The following DPM2 variants were observed in gnomAD, a reference collection of about 807,000 sequenced individuals.
DPM2 encodes dolichol phosphate-mannose biosynthesis regulatory protein.
DPM2 carries 8 observed loss-of-function variants against 12.1 expected under a neutral mutation model. The ratio of observed to expected loss-of-function variants is 0.66; its 90% confidence interval spans 0.39 to 1.19. The LOEUF is 1.19. Among genes scored for constraint, DPM2 ranks in the 50% most tolerant of loss-of-function variants. The pLI, the probability that DPM2 is intolerant of heterozygous loss-of-function variation, is 0.01. For missense variants in DPM2, 93 were observed against 102.5 expected (o/e 0.91, Z 0.40); for synonymous variants, 38 against 44.7 (o/e 0.85, Z 0.60).
In DPM2 at chr9:127,937,454, T is replaced by G; in HGVS notation, c.73A>C (p.Thr25Pro). ...CATACCAAGAGAATCACCCAGGCGG[T>G]GTAGTAGGTGAAGATGATCAGGCTA... Reference protein sequence around the residue: ...AVSLIIFTYYTAWVILLPFID... With the variant: ...AVSLIIFTYYPAWVILLPFID... Residue 25 changes from threonine to proline, a missense_variant, in exon 2 of 4, where the codon ACC (threonine) becomes CCC (proline). Physicochemically the swap from Thr to Pro is conservative, Grantham distance 38 (BLOSUM62 -1). Transcript: ENST00000314392. The G allele has an allele frequency of 6.2e-7, 1 of 1,612,382 alleles. No individual in the cohort carries two copies. The highest frequency in any genetic ancestry group is 8.5e-7 in the Non-Finnish European group (1 of 1,179,202).
At position 127,935,449 on chromosome 9, in the gene DPM2, G is replaced by A; in HGVS notation, c.*273C>T. 1 of 535,986 alleles carries A rather than the reference G, an allele frequency of 1.9e-6. No homozygotes were observed. The highest frequency in any genetic ancestry group is 2.2e-5 in the South Asian group (1 of 45,304). 33.2% of individuals were successfully genotyped at this position (535,986 alleles called of 1,614,324 possible). ...GGGGAAAAGGTGGCAGGGAGTCTGA[G>A]AGTGAGGTTGGGAGGACCAGCATCT... On this transcript the variant is annotated 3_prime_UTR_variant, in exon 4 of 4. Coordinates refer to ENST00000314392, the MANE Select transcript of DPM2 (RefSeq NM_003863.4).
chr9:127,935,784 G>A lies in DPM2; in HGVS notation c.197-4C>T. 6.2e-7 allele frequency: 1 copy of A among 1,613,234 alleles called. No homozygotes were observed. Among genetic ancestry groups the A allele is most frequent in the Non-Finnish European group, 8.5e-7 (1 of 1,179,286 alleles). ...ATCACATAGGAGATGAACAGTCCTG[G>A]GATACACAGACCAGAAAGGCCACAT... On this transcript the variant is annotated splice_polypyrimidine_tract_variant and splice_region_variant and intron_variant, in intron 3 of 3. Coordinates refer to ENST00000314392, the MANE Select transcript of DPM2 (RefSeq NM_003863.4).
At chr9:127,936,897 G>A (rs1222579135) in intron 2 of DPM2, 4 of 411,196 alleles carry the variant, frequency 9.7e-6, no homozygotes, top group East Asian at 3.7e-5. Context: ...AAGAGAACAG[G>A]GCACAAGAGA....
chr9:127,937,812 T>G lies in DPM2; in HGVS notation c.3+6A>C. 1.9e-6 allele frequency: 3 copies of G among 1,607,862 alleles called. No homozygotes were observed. The highest frequency in any genetic ancestry group is 2.5e-6 in the Non-Finnish European group (3 of 1,176,868). On this transcript the variant is annotated splice_donor_region_variant and intron_variant, in intron 1 of 3. Transcript: ENST00000314392. ...CCCTATCTCCGGCACACGGTGCCAA[T>G]CTCACCATTTCCCCGCGCGCTCAGC... is the stretch of plus-strand genomic sequence containing the variant.
intron 2 of DPM2, 178 bp from the exon 3 acceptor site, chr9:127,936,833 T>C (rs917905443): frequency 1.7e-5 from 9 of 544,784 alleles, no homozygotes; most frequent in South Asian, 5.3e-5. Flanking sequence ...TAATTTCTTA[T>C]TGGTATTTAC....
intron 2 of DPM2, 66 bp downstream of exon 2, chr9:127,937,364 CTATA>C: frequency 5.8e-6 from 7 of 1,217,064 alleles, no homozygotes; most frequent in Non-Finnish European, 8.4e-6. Flanking sequence ...TGCCTAGAGC[CTATA>C]TAGTAGTTGC....
chr9:127,936,759 C>T (rs2131648500), intron 2 of DPM2, 104 bp from the exon 3 acceptor site: 1 of 992,388 alleles, frequency 1.0e-6, no homozygotes. Flanking sequence ...ATTCAGAGGA[C>T]TGGGACTGCA....
At position 127,935,267 on chromosome 9, in the gene DPM2, C is replaced by T; in HGVS notation, c.*455G>A. On this transcript the variant is annotated 3_prime_UTR_variant, in exon 4 of 4. Coordinates refer to ENST00000314392, the MANE Select transcript of DPM2 (RefSeq NM_003863.4). ...AGTCCTTCCCCAGGCTTTCCAGGTC[C>T]AGAAGGCTTTGTGGGGTCTGGGGCT... is the stretch of plus-strand genomic sequence containing the variant. 1 of 218,432 alleles carries T rather than the reference C, an allele frequency of 4.6e-6. No homozygotes were observed. The highest frequency in any genetic ancestry group is 9.3e-6 in the Non-Finnish European group (1 of 108,052). The allele number at this position is 218,432 out of a possible 1,614,324, so 13.5% of individuals were successfully genotyped here.
chr9:127,937,412 G>A, intron 2 of DPM2, 22 bp downstream of exon 2: 10 of 1,598,098 alleles, frequency 6.3e-6, no homozygotes, highest in Non-Finnish European at 8.6e-6. Context: ...AAGGTGAGCA[G>A]CGGACGGGGA....
intron 3 of DPM2, 115 bp downstream of exon 3, chr9:127,936,438 C>T (rs1396536295): frequency 6.2e-7 from 1 of 1,607,450 alleles, no homozygotes; most frequent in Non-Finnish European, 8.5e-7. Context: ...AGGAAAACCC[C>T]ACGGGTGAGT....
chr9:127,937,468 A>C lies in DPM2; in HGVS notation c.59T>G (p.Ile20Ser). ...CACCCAGGCGGTGTAGTAGGTGAAG[A>C]TGATCAGGCTAACGGCGACGAGGCC... ...GLGLVAVSLIIFTYYTAWVIL... is the reference protein window; with the variant it reads ...GLGLVAVSLISFTYYTAWVIL... Residue 20 changes from isoleucine (I) to serine (S), a missense_variant, in exon 2 of 4, where the codon ATC (isoleucine) becomes AGC (serine). Transcript: ENST00000314392. The C allele has an allele frequency of 6.2e-7, 1 of 1,613,974 alleles. No individual in the cohort carries two copies. The highest frequency in any genetic ancestry group is 8.5e-7 in the Non-Finnish European group (1 of 1,179,916).
intron 3 of DPM2, 99 bp downstream of exon 3, chr9:127,936,454 G>A (rs1317691507): frequency 5.0e-6 from 8 of 1,610,504 alleles, no homozygotes; most frequent in Non-Finnish European, 5.9e-6. Context: ...TGAGTTCGGG[G>A]CAAGCAGCTT....
intron 2 of DPM2, 93 bp from the exon 3 acceptor site, chr9:127,936,748 C>A (rs909473238): frequency 1.8e-6 from 2 of 1,136,822 alleles, no homozygotes; most frequent in African/African-American, 3.2e-5. Context: ...GGGGCTGACC[C>A]ATTCAGAGGA....
Position 127,935,795 on chromosome 9 carries a change from C to G in DPM2, c.197-15G>C. 1 of 1,612,444 alleles carries G rather than the reference C, an allele frequency of 6.2e-7. No individual in the cohort carries two copies. ...GATGAACAGTCCTGGGATACACAGA[C>G]CAGAAAGGCCACATAAGATCTAAGC... On this transcript the variant is annotated splice_polypyrimidine_tract_variant and intron_variant, in intron 3 of 3. Transcript: ENST00000314392.
intron 3 of DPM2, chr9:127,936,074 A>C: frequency 1.7e-6 from 1 of 572,506 alleles, no homozygotes; most frequent in Non-Finnish European, 3.0e-6. Flanking sequence ...TTGTCTGTCC[A>C]CCTACATACC....
At chr9:127,936,406 C>T in intron 3 of DPM2, 147 bp downstream of exon 3, 2 of 1,574,626 alleles carry the variant, frequency 1.3e-6, no homozygotes, top group Non-Finnish European at 1.7e-6. Context: ...AGGTTACTGA[C>T]TGGCAGCCTC....
intron 3 of DPM2, 195 bp downstream of exon 3, chr9:127,936,358 A>G: frequency 6.5e-7 from 1 of 1,532,882 alleles, no homozygotes; most frequent in Non-Finnish European, 8.8e-7. Flanking sequence ...TAGACAGGTC[A>G]TTGGAGTCCA....
At chr9:127,937,413 C>T (rs770273949) in intron 2 of DPM2, 21 bp downstream of exon 2, 5 of 1,597,836 alleles carry the variant, frequency 3.1e-6, no homozygotes, top group Non-Finnish European at 4.3e-6. Flanking sequence ...AGGTGAGCAG[C>T]GGACGGGGAG....
At chr9:127,937,615 C>A in intron 1 of DPM2, 92 bp from the exon 2 acceptor site, 1 of 1,283,412 alleles carries the variant, frequency 7.8e-7, no homozygotes, top group Non-Finnish European at 1.1e-6. Flanking sequence ...ACGGTCTAAG[C>A]TTCCCATTCA....
Sources: gnomAD v4.1 joint callset for allele counts on GRCh38, gnomAD v4.1.1 for gene constraint, MANE v1.5 for transcripts, NCBI Gene and HGNC (gene_info 2026-07-23, HGNC 2026-07-21) for gene names.